PTPRT: variants seen among roughly 807,000 people sequenced by gnomAD.
The protein encoded by PTPRT is receptor-type tyrosine-protein phosphatase T.
In PTPRT, 56 loss-of-function variants were observed where a neutral mutation model predicts 176.8. The observed-to-expected ratio is 0.32, with a 90% CI of 0.26 to 0.40. The LOEUF (loss-of-function observed/expected upper bound fraction) is 0.40. Among genes scored for constraint, PTPRT ranks in the 10% least tolerant of loss-of-function variants. The pLI is 1.00. For missense variants in PTPRT, 1,540 were observed against 1,908.2 expected, an observed-to-expected ratio of 0.81 and a Z score of 3.60; for synonymous variants, 783 against 739.0, an observed-to-expected ratio of 1.06 and a Z score of -0.96.
intron 6 of PTPRT, among the ~76,000 whole-genome samples, chr20:42,725,336 G>A (rs1292530490): frequency 6.6e-6 from 1 of 151,992 alleles, no homozygotes; most frequent in Non-Finnish European, 1.5e-5. Context: ...CAAACATGCT[G>A]TAAAGGAAAG....
chr20:42,498,542 C>T (rs2071693840), intron 7 of PTPRT, among the ~76,000 whole-genome samples: 1 of 152,098 alleles, frequency 6.6e-6, no homozygotes, highest in Admixed American at 6.6e-5. Flanking sequence ...TGAAATGGGC[C>T]TGAAAAGCTA....
At chr20:42,034,228 G>A in the PTPRT span, among the ~76,000 whole-genome samples, 204 of 152,246 alleles carry the variant, frequency 1.3e-3, 3 homozygotes, top group Middle Eastern at 3.4e-3. Flanking sequence ...CCAAGCTCAC[G>A]TGGTGGCTGG....
At chr20:42,069,454 C>A, downstream of PTPRT, among the ~76,000 whole-genome samples, 2 of 152,122 alleles carry the variant, frequency 1.3e-5, 1 homozygote, top group Non-Finnish European at 2.9e-5. Flanking sequence ...ATTTTCAAAC[C>A]TCTTGATCCA....
At chr20:43,062,692 T>C (rs756018586) in intron 1 of PTPRT, among the ~76,000 whole-genome samples, 7 of 152,218 alleles carry the variant, frequency 4.6e-5, no homozygotes, top group Non-Finnish European at 1.0e-4. Context: ...ATATGGGCCA[T>C]GAAATCTTGG....
chr20:43,103,706 C>A (rs1381921047), intron 1 of PTPRT, among the ~76,000 whole-genome samples: 3 of 151,408 alleles, frequency 2.0e-5, no homozygotes, highest in Non-Finnish European at 2.9e-5. Context: ...CAACCCTGCA[C>A]AACAAAATCT....
chr20:42,276,518 TATATATATATATATATATATATATATATA>T (rs2057035157), intron 13 of PTPRT, among the ~76,000 whole-genome samples: 2 of 28,184 alleles, frequency 7.1e-5, no homozygotes, highest in African/African-American at 2.8e-4. Context: ...TATATATATA[TATATATATATATATATATATATATATATA>T]TATATATATA....
Position 43,189,740 on chromosome 20 carries a change from G to A in PTPRT, c.-7C>T. On this transcript the variant is annotated 5_prime_UTR_variant, in exon 1 of 31. Transcript: ENST00000373187. The surrounding 1 kb of genome is among the most constrained non-coding windows in gnomAD (Gnocchi z 5.0). ...GCGCGGCGAGGCTCGCCATCCGGGC[G>A]GCGGCGGGCAGCTCAGCCCCTTCCC... 1 of 1,232,176 alleles carries A rather than the reference G, an allele frequency of 8.1e-7. No individual in the cohort carries two copies. Among genetic ancestry groups the A allele is most frequent in the Non-Finnish European group, 1.0e-6 (1 of 988,404 alleles). 76.3% of individuals were successfully genotyped at this position (1,232,176 alleles called of 1,614,324 possible).
chr20:42,394,770 A>C (rs754994519), intron 9 of PTPRT, among the ~76,000 whole-genome samples: 2 of 152,176 alleles, frequency 1.3e-5, no homozygotes, highest in Non-Finnish European at 2.9e-5. Context: ...GAATTCATTG[A>C]ATCATTATTT....
intron 9 of PTPRT, among the ~76,000 whole-genome samples, chr20:42,385,531 T>G (rs1373920062): frequency 6.6e-6 from 1 of 152,230 alleles, no homozygotes; most frequent in Non-Finnish European, 1.5e-5. Context: ...AGATCTGATA[T>G]ACAAGGCTGT....
intron 1 of PTPRT, among the ~76,000 whole-genome samples, chr20:42,949,076 T>C (rs1482021410): frequency 2.0e-5 from 3 of 152,194 alleles, no homozygotes; most frequent in Non-Finnish European, 4.4e-5. Context: ...CTCTCTACTA[T>C]GATATCATCC....
At chr20:42,551,733 G>A (rs926780083) in intron 7 of PTPRT, among the ~76,000 whole-genome samples, 1 of 152,124 alleles carries the variant, frequency 6.6e-6, no homozygotes, top group Non-Finnish European at 1.5e-5. Flanking sequence ...TTGAATGGGG[G>A]TCTGGCTGAC....
intron 17 of PTPRT, among the ~76,000 whole-genome samples, chr20:42,146,083 G>T (rs1600586854): frequency 6.6e-6 from 1 of 152,228 alleles, no homozygotes; most frequent in East Asian, 1.9e-4. Context: ...TCTCTAGGTG[G>T]AAGATGCTTC....
intron 2 of PTPRT, among the ~76,000 whole-genome samples, chr20:42,859,828 G>A (rs999577515): frequency 2.6e-5 from 4 of 151,176 alleles, no homozygotes; most frequent in South Asian, 2.1e-4. Flanking sequence ...TCCTGACCTC[G>A]TGATCCACCC....
intron 27 of PTPRT, among the ~76,000 whole-genome samples, chr20:42,097,593 T>C (rs1241497180): frequency 6.6e-6 from 1 of 152,244 alleles, no homozygotes; most frequent in Non-Finnish European, 1.5e-5. Flanking sequence ...TGTGCTCATC[T>C]GTCTCTGGAG....
At chr20:42,491,952 A>C (rs944277951) in intron 7 of PTPRT, among the ~76,000 whole-genome samples, 2 of 152,054 alleles carry the variant, frequency 1.3e-5, no homozygotes, top group African/African-American at 4.8e-5. Context: ...TAACATTTTG[A>C]CTCAGCATAA....
At chr20:43,063,770 G>A (rs1348848961) in intron 1 of PTPRT, among the ~76,000 whole-genome samples, 1 of 152,186 alleles carries the variant, frequency 6.6e-6, no homozygotes, top group Non-Finnish European at 1.5e-5. Context: ...TGCCTAGACA[G>A]GAACCACTGA....
chr20:42,597,731 C>T (rs566654186), intron 7 of PTPRT, among the ~76,000 whole-genome samples: 7 of 152,120 alleles, frequency 4.6e-5, no homozygotes, highest in Non-Finnish European at 1.0e-4. Flanking sequence ...GTGAGGCAAT[C>T]GAACCTCTTT....
At chr20:42,248,659 A>C in intron 14 of PTPRT, 28 bp downstream of exon 14, 1 of 1,611,994 alleles carries the variant, frequency 6.2e-7, no homozygotes, top group South Asian at 1.1e-5. Context: ...GGGTCAGCAG[A>C]GTCTTGCAGG....
chr20:43,163,235 G>A (rs1260788904), intron 1 of PTPRT, among the ~76,000 whole-genome samples: 1 of 152,218 alleles, frequency 6.6e-6, no homozygotes, highest in Admixed American at 6.5e-5. Flanking sequence ...CTTTTTGACA[G>A]TCCGTTCTAT....
Sources: allele counts gnomAD v4.1 joint callset (sites outside exome capture counted in the v4.1 genomes callset), GRCh38; gene constraint gnomAD v4.1.1; non-coding constraint Gnocchi (gnomAD v3.1); transcripts MANE v1.5; gene names NCBI Gene and HGNC (gene_info 2026-07-23, HGNC 2026-07-21).